Variants in MGST1 observed in about 807,000 individuals in gnomAD.
The protein encoded by MGST1 is microsomal glutathione S-transferase 1, also known as glutathione S-transferase 12.
A neutral mutation model predicts 8.9 loss-of-function variants in MGST1; 5 were observed. The observed-to-expected ratio is 0.56, with a 90% CI of 0.29 to 1.19. The LOEUF (loss-of-function observed/expected upper bound fraction) is 1.19. Among genes scored for constraint, MGST1 ranks in the 50% most tolerant of loss-of-function variants. The pLI, the probability that MGST1 is intolerant of heterozygous loss-of-function variation, is 0.08. For synonymous variants in MGST1, 54 were observed against 67.8 expected (o/e 0.80, Z 1.00); for missense variants, 182 against 187.4 (o/e 0.97, Z 0.17).
intron 4 of MGST1, among the ~76,000 whole-genome samples, chr12:16,521,961 A>T (rs4140826): frequency 6.8e-6 from 1 of 146,992 alleles, no homozygotes; most frequent in African/African-American, 2.5e-5. Flanking sequence ...GAAAAAAAAA[A>T]TAACTTTCAT....
intron 4 of MGST1, chr12:16,514,212 C>T (rs1204323232): frequency 3.2e-6 from 1 of 308,420 alleles, no homozygotes; most frequent in Non-Finnish European, 6.4e-6. Context: ...AATCATACAC[C>T]AAGAACATGG....
chr12:16,400,597 T>A (rs893043132), intron 1 of MGST1: 5 of 1,076,504 alleles, frequency 4.6e-6, no homozygotes, highest in Non-Finnish European at 5.8e-6. Flanking sequence ...TGGTACTGTC[T>A]GTTCCCCGGT....
intron 1 of MGST1, among the ~76,000 whole-genome samples, chr12:16,426,798 A>C (rs899319986): frequency 1.6e-4 from 25 of 151,900 alleles, no homozygotes; most frequent in African/African-American, 5.6e-4. Flanking sequence ...AAAAATACAA[A>C]AACAACAACA....
At chr12:16,484,392 A>G (rs1941384931) in intron 4 of MGST1, among the ~76,000 whole-genome samples, 1 of 151,030 alleles carries the variant, frequency 6.6e-6, no homozygotes, top group African/African-American at 2.4e-5. Context: ...CACGATAAAG[A>G]ATCTGTTTTT....
At chr12:16,352,164 T>G (rs1474469605) in intron 1 of MGST1, among the ~76,000 whole-genome samples, 1 of 152,190 alleles carries the variant, frequency 6.6e-6, no homozygotes, top group Non-Finnish European at 1.5e-5. Context: ...TGTAATAGAT[T>G]AACAAAGGTG....
In MGST1 at chr12:16,587,790, C is replaced by G. The variant is rs1943367085; in HGVS notation, n.483-1738C>G. On this transcript the variant is annotated intron_variant and non_coding_transcript_variant, in intron 4 of 4. Coordinates refer to the MGST1 transcript ENST00000538857. This position sits in a 1 kb window ranked among gnomAD's most constrained non-coding sequence, Gnocchi z 4.3. ...TTAGCATTTATCTGTCTAAAAATCT[C>G]ACTGTGTCCTGAATGGGGGGTTTCA... is the stretch of plus-strand genomic sequence containing the variant. 6.6e-6 allele frequency among the ~76,000 whole-genome samples: 1 copy of G among 151,828 alleles called. No individual in the cohort carries two copies. The highest frequency in any genetic ancestry group is 6.6e-5 in the Admixed American group (1 of 15,216).
rs1453612407 is a variant in MGST1 at position 16,466,629 on chromosome 12, G to T, written n.482+83025G>T. On this transcript the variant is annotated intron_variant and non_coding_transcript_variant, in intron 4 of 4. Coordinates refer to the MGST1 transcript ENST00000538857. ...ATGGTCTTGGATAGGTAAGGTAAAG[G>T]GTATAGTTTATATTAGCATGGGACA... 3.9e-5 allele frequency among the ~76,000 whole-genome samples: 6 copies of T among 152,132 alleles called. No homozygotes were observed. The East Asian group carries it at 1.2e-3, about 29-fold the overall frequency.
At position 16,586,572 on chromosome 12, in the gene MGST1, C is replaced by A. The variant is rs1222584964; in HGVS notation, n.483-2956C>A. On this transcript the variant is annotated intron_variant and non_coding_transcript_variant, in intron 4 of 4. Coordinates refer to the MGST1 transcript ENST00000538857. This position sits in a 1 kb window ranked among gnomAD's most constrained non-coding sequence, Gnocchi z 4.3. The stretch of plus-strand genomic sequence containing the variant: ...CCAACTGAATTCTGGAGGACATATG[C>A]AAAGACACTGCATTTCATCTTTGGA... Among the ~76,000 whole-genome samples, 1 of 152,158 alleles carries A rather than the reference C, an allele frequency of 6.6e-6. No homozygotes were observed. The highest frequency in any genetic ancestry group is 1.5e-5 in the Non-Finnish European group (1 of 68,024).
In MGST1 at chr12:16,536,082, A is replaced by AGTGTGTGTGTGT. The variant is rs10579042; in HGVS notation, n.483-53421_483-53410dup. Among the ~76,000 whole-genome samples the AGTGTGTGTGTGT allele has an allele frequency of 2.5e-3, 369 of 145,436 alleles. 2 individuals carry two copies. The highest frequency in any genetic ancestry group is 0.011 in the East Asian group (53 of 4,880). On this transcript the variant is annotated intron_variant and non_coding_transcript_variant, in intron 4 of 4. Transcript: ENST00000538857. ...GAATCTCAGTAACTTGGTGTGTGTGAGTGTGTGTGTGTGTGTGTGTGTGTG... is the reference window on the plus strand; with the variant it reads ...GAATCTCAGTAACTTGGTGTGTGTGAGTGTGTGTGTGTGTGTGTGTGTGTGTGTGTGTGTGTG...
chr12:16,354,208 C>T lies in MGST1; in HGVS notation c.-22-23C>T, dbSNP rs368785800. 1.9e-4 allele frequency: 286 copies of T among 1,529,468 alleles called. 1 individual carries two copies. The highest frequency in any genetic ancestry group is 2.2e-4 in the Non-Finnish European group (250 of 1,137,396). 94.7% of individuals were successfully genotyped at this position (1,529,468 alleles called of 1,614,324 possible). A position where few individuals can be genotyped will look rare whatever the true frequency, so the allele number is the denominator to read the frequency against. On this transcript the variant is annotated intron_variant, in intron 1 of 3. Coordinates refer to ENST00000396210, the MANE Select transcript of MGST1 (RefSeq NM_020300.5). ...TTGGGTATTTATGTCTGCTTTTTCCCATTTTATTTAAATCTTTTTAAGATT... is the reference window on the plus strand; with the variant it reads ...TTGGGTATTTATGTCTGCTTTTTCCTATTTTATTTAAATCTTTTTAAGATT...
chr12:16,396,479 A>G (rs1940606941), intron 1 of MGST1, among the ~76,000 whole-genome samples: 1 of 152,184 alleles, frequency 6.6e-6, no homozygotes, highest in East Asian at 1.9e-4. Flanking sequence ...CCAAATCGGT[A>G]AAGAGGAAGT....
In MGST1 at chr12:16,559,428, A is replaced by C. The variant is rs2137321928; in HGVS notation, n.483-30100A>C. On this transcript the variant is annotated intron_variant and non_coding_transcript_variant, in intron 4 of 4. Transcript: ENST00000538857. This position sits in a 1 kb window ranked among gnomAD's most constrained non-coding sequence, Gnocchi z 4.1. ...CAGCTTCATATGTTACAAATGAAAA[A>C]CCTGAGGTCCAGAGAGGGAAGGTGT... Among the ~76,000 whole-genome samples the C allele has an allele frequency of 6.6e-6, 1 of 151,506 alleles. No individual in the cohort carries two copies. The highest frequency in any genetic ancestry group is 2.1e-4 in the South Asian group (1 of 4,818).
chr12:16,405,801 A>G lies in MGST1; in HGVS notation n.778+22197A>G, dbSNP rs1940694140. Among the ~76,000 whole-genome samples the G allele has an allele frequency of 2.0e-5, 3 of 152,156 alleles. No individual in the cohort carries two copies. In the South Asian group the frequency reaches 6.2e-4, roughly 32 times the overall value. The stretch of plus-strand genomic sequence containing the variant: ...GTGATTCATCACATAAACAAAACTA[A>G]AGACAAAAACAGTAAGATCGTCTAA... On this transcript the variant is annotated intron_variant and non_coding_transcript_variant, in intron 1 of 1. Coordinates refer to the MGST1 transcript ENST00000359720.
At chr12:16,507,751 G>A (rs778660169) in intron 4 of MGST1, among the ~76,000 whole-genome samples, 5 of 151,888 alleles carry the variant, frequency 3.3e-5, no homozygotes, top group Non-Finnish European at 2.9e-5. Flanking sequence ...ACCAGATCTC[G>A]TGAGAACTCA....
intron 1 of MGST1, among the ~76,000 whole-genome samples, chr12:16,352,297 C>T (rs564169134): frequency 6.6e-6 from 1 of 152,152 alleles, no homozygotes; most frequent in East Asian, 1.9e-4. Context: ...GGCTATATGA[C>T]CAATAAAGAT....
chr12:16,365,730 C>T (rs1049722834), downstream of MGST1, among the ~76,000 whole-genome samples: 2 of 121,522 alleles, frequency 1.6e-5, no homozygotes, highest in Admixed American at 1.8e-4. Context: ...CATGAACATG[C>T]ACGCGTGCAC....
chr12:16,424,432 TC>T (rs1426650961), intron 1 of MGST1, among the ~76,000 whole-genome samples: 1 of 152,222 alleles, frequency 6.6e-6, no homozygotes, highest in Non-Finnish European at 1.5e-5. Flanking sequence ...ATCTCCTAAA[TC>T]TGTAAGTTGC....
chr12:16,578,769 G>C (rs1476832076), intron 4 of MGST1, among the ~76,000 whole-genome samples: 5 of 151,968 alleles, frequency 3.3e-5, no homozygotes, highest in Non-Finnish European at 7.4e-5. Context: ...AGTGAGCCGA[G>C]ATCGAGCCAC....
At chr12:16,428,927 CT>C (rs1204968571) in intron 1 of MGST1, among the ~76,000 whole-genome samples, 1 of 151,944 alleles carries the variant, frequency 6.6e-6, no homozygotes, top group Non-Finnish European at 1.5e-5. Flanking sequence ...ATGTAGCCAT[CT>C]TTTTTTGTGC....
Sources: gnomAD v4.1 joint callset for allele counts (sites outside exome capture counted in the v4.1 genomes callset) on GRCh38, gnomAD v4.1.1 for gene constraint, Gnocchi (gnomAD v3.1) non-coding constraint, MANE v1.5 for transcripts, NCBI Gene and HGNC (gene_info 2026-07-23, HGNC 2026-07-21) for gene names.